Variants in SENP5 observed in about 807,000 individuals in gnomAD.
SENP5 encodes the protein sentrin-specific protease 5.
Under a neutral mutation model 74.2 loss-of-function variants are expected in SENP5, and 21 were observed. That is an observed-to-expected ratio of 0.28 (90% CI 0.20 to 0.41). The LOEUF (loss-of-function observed/expected upper bound fraction) is 0.41. Ranked by LOEUF, SENP5 falls within the 10% of genes least tolerant of loss-of-function variation. The pLI is 1.00. For missense variants in SENP5, 717 were observed against 889.1 expected (o/e 0.81, Z 2.46); for synonymous variants, 311 against 312.7 (o/e 0.99, Z 0.06).
chr3:196,886,445 G>A lies in SENP5; in HGVS notation c.1264G>A (p.Val422Met), dbSNP rs142929546. The change falls in exon 2 of 10, where the codon GTG becomes ATG. Residue 422 changes from valine (V) to methionine (M), a missense_variant. Around this residue, in one of 4 missense-constraint regions of SENP5, gnomAD observed 567 missense variants for 577.4 expected, o/e 0.98. Coordinates refer to ENST00000323460, the MANE Select transcript of SENP5 (RefSeq NM_152699.5). ...GTCAGTGTCTGGAGCAGATACATCT[G>A]TGAGTAGCGTAGATGGGCCTGTGTC... ...KLSVSGADTS[V>M]SSVDGPVSQK... The A allele has an allele frequency of 3.4e-4, 555 of 1,610,114 alleles. 1 individual carries two copies. The highest frequency in any genetic ancestry group is 4.3e-4 in the Non-Finnish European group (511 of 1,177,626).
At chr3:196,927,706 T>G (rs1715865816) in intron 7 of SENP5, 90 bp from the exon 8 acceptor site, 8 of 698,056 alleles carry the variant, frequency 1.1e-5, no homozygotes, top group South Asian at 6.9e-5. Flanking sequence ...GGCCACAGCC[T>G]CCTCCTTTCC....
At chr3:196,871,076 A>C (rs1006251514) in intron 1 of SENP5, among the ~76,000 whole-genome samples, 9 of 152,016 alleles carry the variant, frequency 5.9e-5, no homozygotes, top group African/African-American at 1.9e-4. Flanking sequence ...AGGCTGAGGC[A>C]GGAGAATCGT....
intron 2 of SENP5, among the ~76,000 whole-genome samples, chr3:196,899,079 A>T (rs985880900): frequency 7.3e-5 from 3 of 41,362 alleles, no homozygotes; most frequent in Non-Finnish European, 1.9e-4. Context: ...ACGCCATCTC[A>T]AAAAAAAAAA....
At chr3:196,917,998 C>A (rs114051805) in intron 6 of SENP5, among the ~76,000 whole-genome samples, 1 of 151,886 alleles carries the variant, frequency 6.6e-6, no homozygotes, top group African/African-American at 2.4e-5. Flanking sequence ...ATTTTTTAAG[C>A]GATAATATAA....
chr3:196,905,470 A>G (rs1418318656), intron 6 of SENP5, among the ~76,000 whole-genome samples: 1 of 152,202 alleles, frequency 6.6e-6, no homozygotes, highest in Non-Finnish European at 1.5e-5. Flanking sequence ...GGCTTCTGAA[A>G]CTTCTGACCA....
At chr3:196,900,881 C>T (rs929589777) in intron 5 of SENP5, among the ~76,000 whole-genome samples, 3 of 151,998 alleles carry the variant, frequency 2.0e-5, no homozygotes, top group African/African-American at 7.3e-5. Context: ...AGCCACAGCG[C>T]CTGGCCCCAT....
Position 196,886,353 on chromosome 3 carries a change from A to G in SENP5, c.1172A>G (p.Glu391Gly). 6.2e-7 allele frequency: 1 copy of G among 1,613,488 alleles called. No homozygotes were observed. Among genetic ancestry groups the G allele is most frequent in the Non-Finnish European group, 8.5e-7 (1 of 1,179,750 alleles). ...RSNTMFISET[E>G]REIMTLGQEN... ...AATACCATGTTCATTTCAGAAACTGAAAGAGAAATTATGACTCTGGGTCAG... is the reference window on the plus strand; with the variant it reads ...AATACCATGTTCATTTCAGAAACTGGAAGAGAAATTATGACTCTGGGTCAG... The change falls in exon 2 of 10, where the codon GAA becomes GGA. Residue 391 changes from glutamate to glycine, a missense_variant. Physicochemically the swap from Glu to Gly is moderately conservative, Grantham distance 98 (BLOSUM62 -2). This residue lies in a region of SENP5 where 567 missense variants were observed against 577.4 expected (regional missense o/e 0.98). Transcript: ENST00000323460.
In SENP5 at chr3:196,924,717, A is replaced by G. The variant is rs561716495; in HGVS notation, c.2022+1166A>G. Among the ~76,000 whole-genome samples the G allele has an allele frequency of 2.6e-5, 4 of 152,322 alleles. No individual in the cohort carries two copies. In the South Asian group the frequency reaches 6.2e-4, roughly 24 times the overall value. On this transcript the variant is annotated intron_variant, in intron 7 of 9. Coordinates refer to ENST00000323460, the MANE Select transcript of SENP5 (RefSeq NM_152699.5). Reference sequence around the variant, plus strand: ...ATTAAAAAGATACAAATTCTGTTGCATATCAGTTCCATTTCTTGTTATCTA... The same window carrying G: ...ATTAAAAAGATACAAATTCTGTTGCGTATCAGTTCCATTTCTTGTTATCTA...
chr3:196,923,634 C>A, intron 7 of SENP5, 83 bp downstream of exon 7: 1 of 916,338 alleles, frequency 1.1e-6, no homozygotes. Context: ...CAGCAGCAGT[C>A]AAAACCATAT....
chr3:196,897,649 A>G (rs1476692768), intron 2 of SENP5, among the ~76,000 whole-genome samples: 2 of 152,250 alleles, frequency 1.3e-5, no homozygotes, highest in East Asian at 3.8e-4. Context: ...TATCCTGTTT[A>G]TATCAATGCA....
chr3:196,906,046 C>T (rs919067123), intron 6 of SENP5, among the ~76,000 whole-genome samples: 1 of 152,062 alleles, frequency 6.6e-6, no homozygotes, highest in Non-Finnish European at 1.5e-5. Context: ...ATGGTGGAAC[C>T]CTGTCTCTAC....
rs1443923229 is a variant in SENP5, at chr3:196,880,664, G to A, written c.-31-4487G>A. 3.4e-5 allele frequency among the ~76,000 whole-genome samples: 4 copies of A among 118,434 alleles called. 1 individual carries two copies. In the South Asian group the frequency reaches 8.2e-4, roughly 24 times the overall value. 77.7% of individuals were successfully genotyped at this position (118,434 alleles called of 152,430 possible). A position where few individuals can be genotyped will look rare whatever the true frequency, so the allele number is the denominator to read the frequency against. On this transcript the variant is annotated intron_variant, in intron 1 of 9. Transcript: ENST00000323460. ...TTTTTTTTTTTTTTTTTTTTGAGACGGAGTTTTGCTTTTGTACCCCAGGCT... is the reference window on the plus strand; with the variant it reads ...TTTTTTTTTTTTTTTTTTTTGAGACAGAGTTTTGCTTTTGTACCCCAGGCT...
chr3:196,877,584 T>A (rs1001015095), intron 1 of SENP5, among the ~76,000 whole-genome samples: 1 of 152,232 alleles, frequency 6.6e-6, no homozygotes, highest in African/African-American at 2.4e-5. Context: ...TATTTTTTTT[T>A]AAATCACAGC....
chr3:196,878,832 T>C (rs1713594734), intron 1 of SENP5, among the ~76,000 whole-genome samples: 1 of 152,182 alleles, frequency 6.6e-6, no homozygotes, highest in African/African-American at 2.4e-5. Flanking sequence ...CCTCAAATGA[T>C]CCGCTTGCCT....
chr3:196,927,854 A>C lies in SENP5; in HGVS notation c.2081A>C (p.Gln694Pro), dbSNP rs1472138921. The C allele has an allele frequency of 6.2e-7, 1 of 1,612,042 alleles. No homozygotes were observed. The change falls in exon 8 of 10, where the codon CAG (glutamine) becomes CCG (proline). Residue 694 changes from glutamine to proline, a missense_variant. By Grantham distance (76) the Gln-to-Pro change is moderately conservative. Transcript: ENST00000323460. The part of the protein sequence containing the change: ...AREKNRPEFL[Q>P]GWQTAVTKCI... ...GAAAAAAATAGACCTGAATTTCTTCAGGGTTGGCAGACTGCTGTTACGAAG... is the reference window on the plus strand; with the variant it reads ...GAAAAAAATAGACCTGAATTTCTTCCGGGTTGGCAGACTGCTGTTACGAAG...
At chr3:196,888,785 C>T (rs1000582263) in intron 2 of SENP5, among the ~76,000 whole-genome samples, 3 of 151,950 alleles carry the variant, frequency 2.0e-5, no homozygotes, top group Non-Finnish European at 4.4e-5. Flanking sequence ...GTAGTTGAAA[C>T]AGTTCTGAGC....
chr3:196,882,018 T>C (rs1260625228), intron 1 of SENP5, among the ~76,000 whole-genome samples: 2 of 150,062 alleles, frequency 1.3e-5, no homozygotes, highest in Non-Finnish European at 3.0e-5. Context: ...TGTCTCAGCC[T>C]CCCGAGTAGC....
chr3:196,912,980 G>T (rs1356872905), intron 6 of SENP5: 1 of 152,158 alleles, frequency 6.6e-6, no homozygotes, highest in Non-Finnish European at 1.5e-5. Context: ...AGAATTTAAG[G>T]TGAGAAGCAA....
chr3:196,873,234 C>G (rs1465107285), intron 1 of SENP5, among the ~76,000 whole-genome samples: 1 of 151,968 alleles, frequency 6.6e-6, no homozygotes, highest in South Asian at 2.1e-4. Context: ...CCACCATGCC[C>G]GGCTAATGTT....
Sources: gnomAD v4.1 joint callset for allele counts (sites outside exome capture counted in the v4.1 genomes callset) on GRCh38, gnomAD v4.1.1 for gene constraint, gnomAD v4.1.1 regional missense constraint, MANE v1.5 for transcripts, NCBI Gene and HGNC (gene_info 2026-07-23, HGNC 2026-07-21) for gene names.